The following SLC9A1 variants were observed in gnomAD, a reference collection of about 807,000 sequenced individuals.
SLC9A1 encodes the protein sodium/hydrogen exchanger 1.
Under a neutral mutation model 67.9 loss-of-function variants are expected in SLC9A1, and 22 were observed. That is an observed-to-expected ratio of 0.32 (90% CI 0.23 to 0.46). The LOEUF is 0.46. SLC9A1 is among the 20% of genes least tolerant of loss of function. The probability of loss-of-function intolerance (pLI) is 1.00; values close to 1 mark genes in which losing one functional copy is unlikely to be tolerated. For missense variants in SLC9A1, 686 were observed against 1,094.8 expected (o/e 0.63, Z 5.27); for synonymous variants, 421 against 471.8 (o/e 0.89, Z 1.40).
At chr1:27,127,752 C>G (rs1386984422) in intron 1 of SLC9A1, among the ~76,000 whole-genome samples, 1 of 152,206 alleles carries the variant, frequency 6.6e-6, no homozygotes, top group East Asian at 1.9e-4. Flanking sequence ...GCTCCAGGGA[C>G]AGCTGGCACT....
At chr1:27,151,503 G>A (rs533360402) in intron 1 of SLC9A1, among the ~76,000 whole-genome samples, 16 of 152,236 alleles carry the variant, frequency 1.1e-4, no homozygotes, top group African/African-American at 3.6e-4. Context: ...TGGGATTACA[G>A]GCAGCCGCCA....
chr1:27,116,268 G>A (rs376046598), intron 1 of SLC9A1, among the ~76,000 whole-genome samples: 2 of 152,114 alleles, frequency 1.3e-5, no homozygotes, highest in African/African-American at 4.8e-5. Context: ...GCTGAGACAG[G>A]AGAATTGCTT....
Position 27,100,317 on chromosome 1 carries a change from T to A in SLC9A1, c.2438A>T (p.Lys813Met). The change falls in exon 12 of 12, where the codon AAG becomes ATG. Residue 813 changes from lysine (K) to methionine (M), a missense_variant. This residue lies in a region of SLC9A1 where 226 missense variants were observed against 282.4 expected (regional missense o/e 0.80). Coordinates refer to ENST00000263980, the MANE Select transcript of SLC9A1 (RefSeq NM_003047.5). The surrounding 1 kb of genome is among the most constrained non-coding windows in gnomAD (Gnocchi z 5.6). ...CTGCTGGCCCTGGTGTTACTGCCCC[T>A]TGGGGAAGAACGGTTCTCCCTCCCC... is the stretch of plus-strand genomic sequence containing the variant. ...EPGEGEPFFP[K>M]GQ is the part of the protein sequence containing the mutation. The A allele has an allele frequency of 2.0e-6, 3 of 1,528,794 alleles. No individual in the cohort carries two copies. The highest frequency in any genetic ancestry group is 2.6e-6 in the Non-Finnish European group (3 of 1,138,472). The allele number at this position is 1,528,794 out of a possible 1,614,324, so 94.7% of individuals were successfully genotyped here. A position where few individuals can be genotyped will look rare whatever the true frequency, so the allele number is the denominator to read the frequency against.
At position 27,100,518 on chromosome 1, in the gene SLC9A1, C is replaced by T. The variant is rs141694580; in HGVS notation, c.2237G>A (p.Arg746Gln). The change falls in exon 12 of 12, where the codon CGG (arginine) becomes CAG (glutamine). Residue 746 changes from arginine (R) to glutamine (Q), a missense_variant. Around this residue, in one of 7 missense-constraint regions of SLC9A1, gnomAD observed 226 missense variants for 282.4 expected, o/e 0.80. Coordinates refer to ENST00000263980, the MANE Select transcript of SLC9A1 (RefSeq NM_003047.5). This position sits in a 1 kb window ranked among gnomAD's most constrained non-coding sequence, Gnocchi z 5.6. ...ELKGKVLGLS[R>Q]DPAKVAEEDE... ...CTCCTCAGCCACCTTTGCAGGATCC[C>T]GGCTCAACCCTAAGACTTTGCCCTT... 1.2e-4 allele frequency: 196 copies of T among 1,613,994 alleles called. 2 individuals carry two copies. In the South Asian group the frequency reaches 1.4e-3, roughly 11 times the overall value.
At chr1:27,107,002 A>G (rs2083189548) in intron 4 of SLC9A1, among the ~76,000 whole-genome samples, 1 of 151,586 alleles carries the variant, frequency 6.6e-6, no homozygotes, top group African/African-American at 2.4e-5. Context: ...CATCATGGAA[A>G]TGGGAAGTCC....
intron 1 of SLC9A1, among the ~76,000 whole-genome samples, chr1:27,134,561 T>C (rs1242849643): frequency 1.3e-5 from 2 of 152,156 alleles, no homozygotes; most frequent in African/African-American, 4.8e-5. Context: ...TCTGGCCAGA[T>C]CCTGGGTTCC....
At chr1:27,136,001 G>A (rs1376083147) in intron 1 of SLC9A1, among the ~76,000 whole-genome samples, 1 of 152,266 alleles carries the variant, frequency 6.6e-6, no homozygotes, top group Non-Finnish European at 1.5e-5. Context: ...ATAGCAGGCA[G>A]GTAGTAGAGC....
chr1:27,107,504 T>C lies in SLC9A1; in HGVS notation c.1282+144A>G, dbSNP rs539804208. On this transcript the variant is annotated intron_variant, in intron 4 of 11. Coordinates refer to ENST00000263980, the MANE Select transcript of SLC9A1 (RefSeq NM_003047.5). ...GCCCAGCCCCTCCACACAATACTTA[T>C]ACACTGCACCACATGCACACACCAC... 54 of 665,690 alleles carry C rather than the reference T, an allele frequency of 8.1e-5. No homozygotes were observed. The East Asian group carries it at 1.3e-3, about 16-fold the overall frequency. The allele number at this position is 665,690 out of a possible 1,614,324, so 41.2% of individuals were successfully genotyped here.
At position 27,099,136 on chromosome 1, in the gene SLC9A1, G is replaced by A. The variant is rs1191906023; in HGVS notation, c.*1171C>T. On this transcript the variant is annotated 3_prime_UTR_variant, in exon 12 of 12. Coordinates refer to ENST00000263980, the MANE Select transcript of SLC9A1 (RefSeq NM_003047.5). ...CCAATCCACCAGCCCCAGGGGACAG[G>A]GGATCCTCAGGGGAGGCCTTCTCCC... 1.3e-5 allele frequency: 2 copies of A among 152,764 alleles called. No individual in the cohort carries two copies. The highest frequency in any genetic ancestry group is 2.4e-5 in the African/African-American group (1 of 41,480). The allele number at this position is 152,764 out of a possible 1,614,324, so 9.5% of individuals were successfully genotyped here.
chr1:27,148,985 T>C (rs189152350), intron 1 of SLC9A1, among the ~76,000 whole-genome samples: 6 of 152,294 alleles, frequency 3.9e-5, no homozygotes, highest in South Asian at 2.1e-4. Context: ...GGAAGAGAGA[T>C]AGCAGGCAGG....
At chr1:27,142,619 A>G (rs2083459435) in intron 1 of SLC9A1, among the ~76,000 whole-genome samples, 1 of 152,146 alleles carries the variant, frequency 6.6e-6, no homozygotes, top group African/African-American at 2.4e-5. Context: ...CCTGGGCCCT[A>G]GCCGCTTTAG....
Position 27,100,597 on chromosome 1 carries a change from C to G in SLC9A1, c.2158G>C (p.Asp720His), listed in dbSNP as rs775458580. The G allele has an allele frequency of 6.2e-7, 1 of 1,613,428 alleles. No homozygotes were observed. Among genetic ancestry groups the G allele is most frequent in the Non-Finnish European group, 8.5e-7 (1 of 1,179,604 alleles). ...PKEDLPVITI[D>H]PASPQSPESV... Reference sequence around the variant, plus strand: ...TCGGGTGACTGCGGGGAAGCCGGGTCGATGGTGATGACAGGCAGGTCCTCC... The same window carrying G: ...TCGGGTGACTGCGGGGAAGCCGGGTGGATGGTGATGACAGGCAGGTCCTCC... Residue 720 changes from aspartate (D) to histidine (H), a missense_variant, in exon 12 of 12, where the codon GAC becomes CAC. This residue lies in a region of SLC9A1 where 226 missense variants were observed against 282.4 expected (regional missense o/e 0.80). Coordinates refer to ENST00000263980, the MANE Select transcript of SLC9A1 (RefSeq NM_003047.5). This position sits in a 1 kb window ranked among gnomAD's most constrained non-coding sequence, Gnocchi z 5.6.
rs566524180 is a variant in SLC9A1, at chr1:27,099,359, T to G, written c.*948A>C. The G allele has an allele frequency of 6.5e-6, 1 of 152,874 alleles. No individual in the cohort carries two copies. The highest frequency in any genetic ancestry group is 2.4e-5 in the African/African-American group (1 of 41,538). 9.5% of individuals were successfully genotyped at this position (152,874 alleles called of 1,614,324 possible). A position where few individuals can be genotyped will look rare whatever the true frequency, so the allele number is the denominator to read the frequency against. On this transcript the variant is annotated 3_prime_UTR_variant, in exon 12 of 12. Transcript: ENST00000263980. ...CTCTTGATTAGGAGTGGGAGTTACT[T>G]CTGATGTCACAGTCTTCGAGCAACA...
chr1:27,138,752 GGAAAGGGTAGTGGGGCATGAAGTGGA>G (rs2083435665), intron 1 of SLC9A1, among the ~76,000 whole-genome samples: 1 of 152,188 alleles, frequency 6.6e-6, no homozygotes, highest in African/African-American at 2.4e-5. Flanking sequence ...ACTGGAACAG[GGAAAGGGTAGTGGGGCATGAAGTGGA>G]GAAAGGGGTG....
intron 1 of SLC9A1, among the ~76,000 whole-genome samples, chr1:27,151,358 T>A (rs2083526133): frequency 6.6e-6 from 1 of 152,164 alleles, no homozygotes; most frequent in South Asian, 2.1e-4. Flanking sequence ...CCATTTTATT[T>A]TTTTTTATTT....
At chr1:27,151,693 A>G (rs1233888281) in intron 1 of SLC9A1, among the ~76,000 whole-genome samples, 1 of 152,206 alleles carries the variant, frequency 6.6e-6, no homozygotes, top group Non-Finnish European at 1.5e-5. Context: ...GAGGAAACTG[A>G]GGCTCAGAGA....
chr1:27,121,102 T>C (rs140889327), intron 1 of SLC9A1, among the ~76,000 whole-genome samples: 46 of 152,290 alleles, frequency 3.0e-4, no homozygotes, highest in Admixed American at 9.2e-4. Flanking sequence ...TGGGCAAGCA[T>C]CCTTCCCCAT....
intron 5 of SLC9A1, among the ~76,000 whole-genome samples, chr1:27,105,206 G>GT (rs2083175197): frequency 3.3e-5 from 5 of 152,166 alleles, no homozygotes; most frequent in African/African-American, 1.2e-4. Context: ...TGCAGAAACT[G>GT]AGACCCTAAG....
chr1:27,145,725 C>T lies in SLC9A1; in HGVS notation c.352+8258G>A, dbSNP rs190467033. On this transcript the variant is annotated intron_variant, in intron 1 of 11. Coordinates refer to ENST00000263980, the MANE Select transcript of SLC9A1 (RefSeq NM_003047.5). ...CAGTTAGAACTGCTTAAGGACATATCTTTTCAGGAAAGAATTTGCTGGGGT... is the reference window on the plus strand; with the variant it reads ...CAGTTAGAACTGCTTAAGGACATATTTTTTCAGGAAAGAATTTGCTGGGGT... 1.1e-4 allele frequency among the ~76,000 whole-genome samples: 17 copies of T among 152,256 alleles called. No homozygotes were observed. In the East Asian group the frequency reaches 3.3e-3, roughly 29 times the overall value.
Sources: gnomAD v4.1 joint callset for allele counts (sites outside exome capture counted in the v4.1 genomes callset) on GRCh38, gnomAD v4.1.1 for gene constraint, gnomAD v4.1.1 regional missense constraint, Gnocchi (gnomAD v3.1) non-coding constraint, MANE v1.5 for transcripts, NCBI Gene and HGNC (gene_info 2026-07-23, HGNC 2026-07-21) for gene names.